Variants in CNTN5 observed in about 807,000 individuals in gnomAD.
The protein encoded by CNTN5 is contactin-5.
In CNTN5, 77 loss-of-function variants were observed where a neutral mutation model predicts 129.1. The ratio of observed to expected loss-of-function variants is 0.60; its 90% confidence interval spans 0.50 to 0.72. The LOEUF is 0.72. CNTN5 is among the 30% of genes least tolerant of loss of function. The pLI is 0.00. For missense variants in CNTN5, 1,478 were observed against 1,328.8 expected (o/e 1.11, Z -1.75); for synonymous variants, 509 against 465.6 (o/e 1.09, Z -1.20).
At chr11:99,713,388 G>A (rs1402639823) in intron 3 of CNTN5, among the ~76,000 whole-genome samples, 1 of 151,988 alleles carries the variant, frequency 6.6e-6, no homozygotes, top group Non-Finnish European at 1.5e-5. Flanking sequence ...AGCTTAAGGA[G>A]ATTTTGGGTT....
rs1313636391 is a variant in CNTN5, at chr11:100,308,399, G to A, written c.2661G>A (p.Val887=). ...AAPTDVKATS[V]SVSEILVAWK... The stretch of plus-strand genomic sequence containing the variant: ...CCACAGATGTCAAGGCGACAAGTGT[G>A]TCTGTGTCAGAGATTCTTGTTGCAT... Residue 887 remains valine (V), a synonymous_variant, in exon 21 of 25, where the codon GTG becomes GTA. Transcript: ENST00000524871. The A allele has an allele frequency of 1.9e-6, 3 of 1,611,050 alleles. No individual in the cohort carries two copies. The highest frequency in any genetic ancestry group is 4.5e-5 in the East Asian group (2 of 44,802).
At chr11:99,487,705 A>G (rs1394565671) in intron 2 of CNTN5, among the ~76,000 whole-genome samples, 1 of 152,236 alleles carries the variant, frequency 6.6e-6, no homozygotes, top group Non-Finnish European at 1.5e-5. Flanking sequence ...AACATGAAAT[A>G]TCAAGAATGT....
chr11:99,736,008 T>A (rs1007427059), intron 3 of CNTN5, among the ~76,000 whole-genome samples: 2 of 148,092 alleles, frequency 1.4e-5, no homozygotes, highest in Non-Finnish European at 3.0e-5. Flanking sequence ...GATTTCTTTT[T>A]CTTTCTCTTT....
intron 1 of CNTN5, among the ~76,000 whole-genome samples, chr11:99,081,215 T>C (rs1261551305): frequency 6.6e-6 from 1 of 152,188 alleles, no homozygotes; most frequent in Non-Finnish European, 1.5e-5. Flanking sequence ...AAAGGCTGAC[T>C]TTTCAAAGAA....
At chr11:99,907,013 CTT>C (rs908504636) in intron 6 of CNTN5, among the ~76,000 whole-genome samples, 3 of 152,004 alleles carry the variant, frequency 2.0e-5, no homozygotes, top group African/African-American at 7.2e-5. Context: ...ATTCTTCTCT[CTT>C]TTCTTCTTTA....
At chr11:100,111,005 C>CAAA (rs5794036) in intron 13 of CNTN5, among the ~76,000 whole-genome samples, 2,778 of 147,286 alleles carry the variant, frequency 0.019, 34 homozygotes, top group African/African-American at 0.034. Flanking sequence ...AGTGTTAATG[C>CAAA]AAAAAAAAAA....
intron 18 of CNTN5, among the ~76,000 whole-genome samples, chr11:100,287,913 A>G (rs1950835758): frequency 6.6e-6 from 1 of 152,194 alleles, no homozygotes; most frequent in Non-Finnish European, 1.5e-5. Context: ...ATGGAGGAAG[A>G]TCTACCAAGC....
rs544180573 is a variant in CNTN5, at chr11:100,219,449, T to C, written c.1885-5243T>C. 5.9e-5 allele frequency among the ~76,000 whole-genome samples: 9 copies of C among 152,318 alleles called. No homozygotes were observed. In the East Asian group the frequency reaches 1.4e-3, roughly 23 times the overall value. ...TGTGACCTTATCTATTTCAGCCCTC[T>C]CTTTACCTTGGAAGCACTAGATTAA... On this transcript the variant is annotated intron_variant, in intron 15 of 24. Transcript: ENST00000524871.
chr11:99,836,255 C>T (rs780111816), intron 4 of CNTN5, among the ~76,000 whole-genome samples: 50 of 151,206 alleles, frequency 3.3e-4, no homozygotes, highest in South Asian at 8.4e-4. Context: ...TAACTCGTCA[C>T]TTACATTAGG....
intron 2 of CNTN5, among the ~76,000 whole-genome samples, chr11:99,459,523 T>A (rs955985134): frequency 2.6e-5 from 4 of 152,040 alleles, no homozygotes; most frequent in African/African-American, 9.7e-5. Context: ...TATCTTTAAC[T>A]GAGACTAGCA....
At chr11:100,301,481 A>G (rs566643606) in intron 20 of CNTN5, among the ~76,000 whole-genome samples, 76 of 151,558 alleles carry the variant, frequency 5.0e-4, no homozygotes, top group Non-Finnish European at 8.0e-4. Flanking sequence ...AACATATTTC[A>G]TAGTAATGTA....
chr11:99,933,444 G>A (rs1282461998), intron 7 of CNTN5, among the ~76,000 whole-genome samples: 2 of 152,074 alleles, frequency 1.3e-5, no homozygotes, highest in Admixed American at 6.5e-5. Flanking sequence ...CCATAATCAT[G>A]GCATAGAACA....
chr11:99,163,517 T>C (rs1208333154), intron 1 of CNTN5, among the ~76,000 whole-genome samples: 1 of 152,148 alleles, frequency 6.6e-6, no homozygotes, highest in Non-Finnish European at 1.5e-5. Context: ...TTACCAATAT[T>C]ATCAGATCAT....
intron 21 of CNTN5, among the ~76,000 whole-genome samples, chr11:100,314,443 T>C (rs997954642): frequency 6.6e-6 from 1 of 152,258 alleles, no homozygotes; most frequent in East Asian, 1.9e-4. Flanking sequence ...TCTGAAGTCA[T>C]GTACACAGAT....
chr11:99,726,638 A>G (rs998299592), intron 3 of CNTN5, among the ~76,000 whole-genome samples: 4 of 152,228 alleles, frequency 2.6e-5, no homozygotes, highest in African/African-American at 7.2e-5. Context: ...ATAGGAAACT[A>G]TCGTCTCCAT....
chr11:100,027,447 C>T (rs1210225479), intron 9 of CNTN5, among the ~76,000 whole-genome samples: 1 of 152,172 alleles, frequency 6.6e-6, no homozygotes. Context: ...ACAAATGCCT[C>T]CCTAATTATG....
chr11:99,785,234 C>T lies in CNTN5; in HGVS notation c.56-34310C>T, dbSNP rs569995858. Among the ~76,000 whole-genome samples, 5 of 152,224 alleles carry T rather than the reference C, an allele frequency of 3.3e-5. No homozygotes were observed. The South Asian group carries it at 1.0e-3, about 32-fold the overall frequency. Reference sequence around the variant, plus strand: ...GAGAAATGTCTGTTTGTATCCTTCGCCCACATTTTGATGGGATTTTTTTTC... The same window carrying T: ...GAGAAATGTCTGTTTGTATCCTTCGTCCACATTTTGATGGGATTTTTTTTC... On this transcript the variant is annotated intron_variant, in intron 3 of 24. Transcript: ENST00000524871.
intron 4 of CNTN5, chr11:99,844,490 C>A: frequency 3.2e-6 from 1 of 310,670 alleles, no homozygotes; most frequent in Non-Finnish European, 6.1e-6. Context: ...TTATTTTTAA[C>A]ATTCTAAGAA....
At chr11:99,734,192 C>T (rs1943625980) in intron 3 of CNTN5, among the ~76,000 whole-genome samples, 1 of 152,194 alleles carries the variant, frequency 6.6e-6, no homozygotes, top group Non-Finnish European at 1.5e-5. Flanking sequence ...ATATCAGAGT[C>T]AATGGAGTAT....
Sources: gnomAD v4.1 joint callset for allele counts (sites outside exome capture counted in the v4.1 genomes callset) on GRCh38, gnomAD v4.1.1 for gene constraint, MANE v1.5 for transcripts, NCBI Gene and HGNC (gene_info 2026-07-23, HGNC 2026-07-21) for gene names.